Variants in TNFRSF1B observed in about 807,000 individuals in gnomAD.
The protein encoded by TNFRSF1B is TNF receptor superfamily member 1B.
In TNFRSF1B, 19 loss-of-function variants were observed where a neutral mutation model predicts 44.6. The ratio of observed to expected loss-of-function variants is 0.43; its 90% CI spans 0.30 to 0.62. TNFRSF1B has a LOEUF of 0.62. Ranked by LOEUF, TNFRSF1B falls within the 20% of genes least tolerant of loss-of-function variation. TNFRSF1B has a pLI of 0.16. For missense variants in TNFRSF1B, 541 were observed against 619.9 expected (o/e 0.87, Z 1.35); for synonymous variants, 252 against 261.1 (o/e 0.97, Z 0.34).
intron 1 of TNFRSF1B, among the ~76,000 whole-genome samples, chr1:12,172,004 C>T (rs1017777900): frequency 6.6e-6 from 1 of 152,146 alleles, no homozygotes; most frequent in Admixed American, 6.5e-5. Flanking sequence ...CTGGGCTCCT[C>T]TTCCCATTGA....
chr1:12,207,124 G>C lies in TNFRSF1B; in HGVS notation c.*104G>C, dbSNP rs1639523174. 4 of 1,305,464 alleles carry C rather than the reference G, an allele frequency of 3.1e-6. No homozygotes were observed. The highest frequency in any genetic ancestry group is 4.1e-6 in the Non-Finnish European group (4 of 981,218). 80.9% of individuals were successfully genotyped at this position (1,305,464 alleles called of 1,614,324 possible). On this transcript the variant is annotated 3_prime_UTR_variant, in exon 10 of 10. Coordinates refer to ENST00000376259, the MANE Select transcript of TNFRSF1B (RefSeq NM_001066.3). ...TCCAGGCCCCCACCACTAGGACTCT[G>C]AGGCTCTTTCTGGGCCAAGTTCCTC...
At chr1:12,204,551 G>A (rs560904761) in intron 9 of TNFRSF1B, among the ~76,000 whole-genome samples, 6 of 152,196 alleles carry the variant, frequency 3.9e-5, no homozygotes, top group African/African-American at 1.4e-4. Context: ...ATTTTCTGAG[G>A]GGGCTACTTA....
In TNFRSF1B at chr1:12,199,370, G is replaced by T. The variant is rs980690895; in HGVS notation, c.901-2597G>T. On this transcript the variant is annotated intron_variant, in intron 8 of 9. Coordinates refer to ENST00000376259, the MANE Select transcript of TNFRSF1B (RefSeq NM_001066.3). This position sits in a 1 kb window ranked among gnomAD's most constrained non-coding sequence, Gnocchi z 4.0. ...GCCCTCCATCTCTCCAAAACTGGGG[G>T]ACCCAGCCCAGGGAGGGTGTGGGGG... 1.3e-5 allele frequency among the ~76,000 whole-genome samples: 2 copies of T among 152,230 alleles called. No individual in the cohort carries two copies. The highest frequency in any genetic ancestry group is 2.4e-5 in the African/African-American group (1 of 41,470).
rs1324516129 is a variant in TNFRSF1B, at chr1:12,199,237, A to G, written c.901-2730A>G. The stretch of plus-strand genomic sequence containing the variant: ...TTTTGTGGGGTTGTGAGGAGTGACA[A>G]TTGGCTGCTTCTCCTCCCCTTCCAG... On this transcript the variant is annotated intron_variant, in intron 8 of 9. Transcript: ENST00000376259. The surrounding 1 kb of genome is among the most constrained non-coding windows in gnomAD (Gnocchi z 4.0). Among the ~76,000 whole-genome samples the G allele has an allele frequency of 1.3e-5, 2 of 152,140 alleles. No individual in the cohort carries two copies. Among genetic ancestry groups the G allele is most frequent in the African/African-American group, 4.8e-5 (2 of 41,434 alleles).
Position 12,192,766 on chromosome 1 carries a change from ACT to A in TNFRSF1B, c.552-93_552-92del, listed in dbSNP as rs528310825. On this transcript the variant is annotated intron_variant, in intron 5 of 9. Coordinates refer to ENST00000376259, the MANE Select transcript of TNFRSF1B (RefSeq NM_001066.3). ...GTCCTCAGAGAGGGCACACATCGTC[ACT>A]CTCCTATCCTGCCTGCTGGGGCCCG... 23 of 1,094,362 alleles carry A rather than the reference ACT, an allele frequency of 2.1e-5. No homozygotes were observed. In the South Asian group the frequency reaches 3.4e-4, roughly 16 times the overall value. 67.8% of individuals were successfully genotyped at this position (1,094,362 alleles called of 1,614,324 possible).
At chr1:12,183,607 ATCTATCTGTTTG>A (rs892878460) in intron 1 of TNFRSF1B, among the ~76,000 whole-genome samples, 3 of 146,608 alleles carry the variant, frequency 2.0e-5, no homozygotes, top group Non-Finnish European at 4.6e-5. Flanking sequence ...TTATCTATCT[ATCTATCTGTTTG>A]TCTGTCTGTT....
chr1:12,196,629 G>A (rs1399528975), intron 8 of TNFRSF1B, among the ~76,000 whole-genome samples: 1 of 152,228 alleles, frequency 6.6e-6, no homozygotes, highest in African/African-American at 2.4e-5. Flanking sequence ...GGAAAACTGA[G>A]TTGCTCAAGG....
At chr1:12,179,300 G>A (rs1199721289) in intron 1 of TNFRSF1B, among the ~76,000 whole-genome samples, 1 of 152,156 alleles carries the variant, frequency 6.6e-6, no homozygotes, top group East Asian at 1.9e-4. Context: ...GACGGCAGAC[G>A]GGCCTCCGCT....
rs1262256063 is a variant in TNFRSF1B, at chr1:12,199,732, C to T, written c.901-2235C>T. Among the ~76,000 whole-genome samples the T allele has an allele frequency of 4.6e-5, 7 of 152,258 alleles. No individual in the cohort carries two copies. Among genetic ancestry groups the T allele is most frequent in the Non-Finnish European group, 5.9e-5 (4 of 67,986 alleles). ...GGGGGGCGGTGGCACCTGCGCTGCT[C>T]GCTCCACCCCTGCTCTCACCTCCCG... is the stretch of plus-strand genomic sequence containing the variant. On this transcript the variant is annotated intron_variant, in intron 8 of 9. Coordinates refer to ENST00000376259, the MANE Select transcript of TNFRSF1B (RefSeq NM_001066.3). The surrounding 1 kb of genome is among the most constrained non-coding windows in gnomAD (Gnocchi z 4.0).
At position 12,180,111 on chromosome 1, in the gene TNFRSF1B, T is replaced by A. The variant is rs1290509229; in HGVS notation, c.79-8685T>A. ...ATGACCTCTTCCCAAGGGTACGGCATCTAAAAGGGATCTCCGGAACATTGA... is the reference window on the plus strand; with the variant it reads ...ATGACCTCTTCCCAAGGGTACGGCAACTAAAAGGGATCTCCGGAACATTGA... On this transcript the variant is annotated intron_variant, in intron 1 of 9. Coordinates refer to ENST00000376259, the MANE Select transcript of TNFRSF1B (RefSeq NM_001066.3). This position sits in a 1 kb window ranked among gnomAD's most constrained non-coding sequence, Gnocchi z 4.3. Among the ~76,000 whole-genome samples, 1 of 151,788 alleles carries A rather than the reference T, an allele frequency of 6.6e-6. No homozygotes were observed. Among genetic ancestry groups the A allele is most frequent in the Non-Finnish European group, 1.5e-5 (1 of 67,944 alleles).
intron 1 of TNFRSF1B, 150 bp from the exon 2 acceptor site, chr1:12,188,646 C>G: frequency 2.9e-6 from 2 of 679,078 alleles, no homozygotes; most frequent in East Asian, 2.8e-5. Context: ...CTTCCTGTAC[C>G]CTGCTCCAGG....
intron 8 of TNFRSF1B, among the ~76,000 whole-genome samples, chr1:12,196,630 T>C (rs1639270974): frequency 6.6e-6 from 1 of 152,188 alleles, no homozygotes; most frequent in Non-Finnish European, 1.5e-5. Flanking sequence ...GAAAACTGAG[T>C]TGCTCAAGGT....
In TNFRSF1B at chr1:12,171,861, T is replaced by C. The variant is rs1056533228; in HGVS notation, c.78+4692T>C. Among the ~76,000 whole-genome samples, 2 of 152,268 alleles carry C rather than the reference T, an allele frequency of 1.3e-5. No individual in the cohort carries two copies. Among genetic ancestry groups the C allele is most frequent in the South Asian group, 2.1e-4 (1 of 4,832 alleles). On this transcript the variant is annotated intron_variant, in intron 1 of 9. Coordinates refer to ENST00000376259, the MANE Select transcript of TNFRSF1B (RefSeq NM_001066.3). This position sits in a 1 kb window ranked among gnomAD's most constrained non-coding sequence, Gnocchi z 4.5. ...CTGGCCTAGGACAGTGCCTGGCACA[T>C]AGTAAGTGTTCAAAAAATATTCATC... is the stretch of plus-strand genomic sequence containing the variant.
Position 12,199,974 on chromosome 1 carries a change from G to A in TNFRSF1B, c.901-1993G>A, listed in dbSNP as rs1423259045. On this transcript the variant is annotated intron_variant, in intron 8 of 9. Transcript: ENST00000376259. The surrounding 1 kb of genome is among the most constrained non-coding windows in gnomAD (Gnocchi z 4.0). ...GGCCAGCCAGTGGGAACAGACAACA[G>A]CCTGGGAGAGGAATTTCCAGCCTCT... Among the ~76,000 whole-genome samples the A allele has an allele frequency of 6.6e-6, 1 of 152,186 alleles. No individual in the cohort carries two copies. Among genetic ancestry groups the A allele is most frequent in the Non-Finnish European group, 1.5e-5 (1 of 68,042 alleles).
intron 1 of TNFRSF1B, among the ~76,000 whole-genome samples, chr1:12,183,746 TA>T: frequency 7.9e-6 from 1 of 126,930 alleles, no homozygotes; most frequent in Non-Finnish European, 1.8e-5. Flanking sequence ...TCTATCTATC[TA>T]TCTAGCTAGC....
intron 1 of TNFRSF1B, among the ~76,000 whole-genome samples, chr1:12,183,791 TA>T (rs1638906467): frequency 2.7e-5 from 4 of 146,292 alleles, no homozygotes; most frequent in Non-Finnish European, 3.1e-5. Context: ...TCTACCTACC[TA>T]TCTATCTATC....
chr1:12,171,225 G>A lies in TNFRSF1B; in HGVS notation c.78+4056G>A, dbSNP rs1165282150. Among the ~76,000 whole-genome samples the A allele has an allele frequency of 1.3e-5, 2 of 151,098 alleles. No individual in the cohort carries two copies. Among genetic ancestry groups the A allele is most frequent in the Non-Finnish European group, 2.9e-5 (2 of 67,886 alleles). On this transcript the variant is annotated intron_variant, in intron 1 of 9. Coordinates refer to ENST00000376259, the MANE Select transcript of TNFRSF1B (RefSeq NM_001066.3). This position sits in a 1 kb window ranked among gnomAD's most constrained non-coding sequence, Gnocchi z 4.5. ...GACCGGGTTTTGCCATGTTGGCCAG[G>A]CTGGTCTCGAACTCCTGAACTCAAG...
At chr1:12,205,780 C>T (rs570830709) in intron 9 of TNFRSF1B, among the ~76,000 whole-genome samples, 28 of 151,534 alleles carry the variant, frequency 1.8e-4, no homozygotes, top group African/African-American at 6.8e-4. Context: ...TGCCACCATA[C>T]CCGGCTAATT....
At chr1:12,202,489 C>G (rs1639417217) in intron 9 of TNFRSF1B, among the ~76,000 whole-genome samples, 2 of 152,212 alleles carry the variant, frequency 1.3e-5, no homozygotes, top group Non-Finnish European at 1.5e-5. Context: ...TCACCATGCC[C>G]TGGCCTCCCT....
Sources: gnomAD v4.1 joint callset for allele counts (sites outside exome capture counted in the v4.1 genomes callset) on GRCh38, gnomAD v4.1.1 for gene constraint, Gnocchi (gnomAD v3.1) non-coding constraint, MANE v1.5 for transcripts, NCBI Gene and HGNC (gene_info 2026-07-23, HGNC 2026-07-21) for gene names.